The following AP3S1 variants were observed in gnomAD, a reference collection of about 807,000 sequenced individuals.
AP3S1 encodes the protein AP-3 complex subunit sigma-1.
Under a neutral mutation model 21.3 loss-of-function variants are expected in AP3S1, and 12 were observed. The observed-to-expected ratio is 0.56, with a 90% confidence interval of 0.36 to 0.91. The LOEUF (loss-of-function observed/expected upper bound fraction) is 0.91. AP3S1 is among the 40% of genes least tolerant of loss of function. The pLI is 0.01. For missense variants in AP3S1, 116 were observed against 225.0 expected, an observed-to-expected ratio of 0.52 and a Z score of 3.10; for synonymous variants, 48 against 78.4, an observed-to-expected ratio of 0.61 and a Z score of 2.05.
intron 4 of AP3S1, among the ~76,000 whole-genome samples, chr5:115,897,997 A>C (rs1386857718): frequency 6.6e-6 from 1 of 152,188 alleles, no homozygotes; most frequent in Non-Finnish European, 1.5e-5. Flanking sequence ...AGGATGAGCT[A>C]ATTTATGCTG....
At chr5:115,867,341 A>T (rs1747770718) in intron 2 of AP3S1, among the ~76,000 whole-genome samples, 1 of 152,164 alleles carries the variant, frequency 6.6e-6, no homozygotes, top group African/African-American at 2.4e-5. Flanking sequence ...ACAAGACTGA[A>T]GTCTGTTTTT....
chr5:115,868,521 A>G (rs1178541637), intron 2 of AP3S1, among the ~76,000 whole-genome samples: 1 of 152,198 alleles, frequency 6.6e-6, no homozygotes, highest in East Asian at 1.9e-4. Context: ...AAGACATAGA[A>G]GTAGTATATA....
rs755171274 is a variant in AP3S1 at position 115,845,836 on chromosome 5, C to CAAAAAAAAAAAAAA, written c.69+3755_69+3768dup. Among the ~76,000 whole-genome samples, 9 of 34,452 alleles carry CAAAAAAAAAAAAAA rather than the reference C, an allele frequency of 2.6e-4. 1 individual carries two copies. Among genetic ancestry groups the CAAAAAAAAAAAAAA allele is most frequent in the Non-Finnish European group, 3.4e-4 (6 of 17,804 alleles). 22.6% of individuals were successfully genotyped at this position (34,452 alleles called of 152,430 possible). On this transcript the variant is annotated intron_variant, in intron 1 of 5. Coordinates refer to ENST00000316788, the MANE Select transcript of AP3S1 (RefSeq NM_001284.4). ...TGGGTGACAGAGTGAGACTCCATCT[C>CAAAAAAAAAAAAAA]AAAAAAAAAAAAAAAAAAAAAAAAA... is the stretch of plus-strand genomic sequence containing the variant.
chr5:115,905,861 AATGAC>A (rs1751604167), intron 5 of AP3S1, among the ~76,000 whole-genome samples: 1 of 152,236 alleles, frequency 6.6e-6, no homozygotes, highest in African/African-American at 2.4e-5. Flanking sequence ...GGACAAACTT[AATGAC>A]TTGTTTGGCT....
chr5:115,852,657 C>G (rs374229055), intron 1 of AP3S1, among the ~76,000 whole-genome samples: 212 of 152,136 alleles, frequency 1.4e-3, no homozygotes, highest in African/African-American at 4.7e-3. Flanking sequence ...AACCACTAAT[C>G]TGTTTTGTTT....
intron 3 of AP3S1, among the ~76,000 whole-genome samples, chr5:115,877,135 T>C (rs925446722): frequency 6.6e-6 from 1 of 152,164 alleles, no homozygotes; most frequent in Non-Finnish European, 1.5e-5. Flanking sequence ...TTTTCTATCA[T>C]ACCTCAATAT....
rs1328292095 is a variant in AP3S1 at position 115,877,104 on chromosome 5, G to A, written c.273+6976G>A. Among the ~76,000 whole-genome samples, 4 of 151,968 alleles carry A rather than the reference G, an allele frequency of 2.6e-5. No individual in the cohort carries two copies. In the East Asian group the frequency reaches 7.7e-4, roughly 29 times the overall value. ...TAAAAGAATTATTAATATTTATGGT[G>A]TTTACCAAATGGTGGGGTTTTTTTC... On this transcript the variant is annotated intron_variant, in intron 3 of 5. Transcript: ENST00000316788.
At position 115,902,731 on chromosome 5, in the gene AP3S1, A is replaced by G. The variant is rs569186847; in HGVS notation, c.346-154A>G. On this transcript the variant is annotated intron_variant, in intron 4 of 5. Transcript: ENST00000316788. ...ATATAACTGCCTAGGGCTTCACAGT[A>G]GTGATGAAAGTGGATTATGAGCCCT... 4.6e-5 allele frequency among the ~76,000 whole-genome samples: 7 copies of G among 152,324 alleles called. No homozygotes were observed. The South Asian group carries it at 6.2e-4, about 14-fold the overall frequency.
intron 1 of AP3S1, among the ~76,000 whole-genome samples, chr5:115,848,332 C>G (rs1441169028): frequency 6.6e-6 from 1 of 152,026 alleles, no homozygotes; most frequent in Non-Finnish European, 1.5e-5. Context: ...TAGGATATAC[C>G]TTTTAGACAT....
intron 5 of AP3S1, chr5:115,912,278 A>G (rs571262119): frequency 6.6e-6 from 1 of 152,134 alleles, no homozygotes; most frequent in South Asian, 2.1e-4. Context: ...ATCAAAGTGG[A>G]AGATTCGTTT....
chr5:115,855,636 A>G (rs1004785544), intron 1 of AP3S1, among the ~76,000 whole-genome samples: 3 of 152,316 alleles, frequency 2.0e-5, no homozygotes, highest in Admixed American at 2.0e-4. Context: ...CACTGCACCC[A>G]GTTGATTATG....
At chr5:115,908,915 T>C (rs1156330289) in intron 5 of AP3S1, 3 of 883,972 alleles carry the variant, frequency 3.4e-6, no homozygotes, top group Non-Finnish European at 4.1e-6. Flanking sequence ...TTGTTAATGA[T>C]TTTGAGTCTG....
intron 3 of AP3S1, among the ~76,000 whole-genome samples, chr5:115,876,331 C>A (rs1056543017): frequency 6.6e-6 from 1 of 152,194 alleles, no homozygotes; most frequent in African/African-American, 2.4e-5. Flanking sequence ...TGCTTAAAGT[C>A]AGAGTTTTGG....
chr5:115,842,360 G>C, intron 1 of AP3S1: 2 of 449,068 alleles, frequency 4.5e-6, no homozygotes, highest in Non-Finnish European at 7.6e-6. Context: ...TGCTTTCCTG[G>C]CTGCGCGGGC....
At chr5:115,877,561 T>C (rs1194913596) in intron 3 of AP3S1, among the ~76,000 whole-genome samples, 1 of 152,214 alleles carries the variant, frequency 6.6e-6, no homozygotes, top group East Asian at 1.9e-4. Flanking sequence ...TAGTATTCCA[T>C]GGTGTATGTG....
chr5:115,851,343 G>T (rs544510542), intron 1 of AP3S1, among the ~76,000 whole-genome samples: 297 of 152,278 alleles, frequency 2.0e-3, no homozygotes, highest in African/African-American at 6.8e-3. Context: ...TACATACCCA[G>T]AAGTGGAATT....
At chr5:115,913,325 T>C in intron 5 of AP3S1, 37 bp from the exon 6 acceptor site, 3 of 1,147,234 alleles carry the variant, frequency 2.6e-6, no homozygotes, top group Non-Finnish European at 2.2e-6. Flanking sequence ...ACCTGAGTTG[T>C]ACATTTTCTT....
intron 3 of AP3S1, among the ~76,000 whole-genome samples, chr5:115,884,185 T>C (rs1749560734): frequency 6.6e-6 from 1 of 152,182 alleles, no homozygotes; most frequent in Admixed American, 6.5e-5. Context: ...ATTTAATATG[T>C]TTTATTTTTA....
chr5:115,890,301 G>A (rs909444827), intron 3 of AP3S1, among the ~76,000 whole-genome samples: 1 of 152,202 alleles, frequency 6.6e-6, no homozygotes, highest in African/African-American at 2.4e-5. Context: ...TTCTAATTCA[G>A]TGGCATACTG....
Sources: gnomAD v4.1 joint callset for allele counts (sites outside exome capture counted in the v4.1 genomes callset) on GRCh38, gnomAD v4.1.1 for gene constraint, MANE v1.5 for transcripts, NCBI Gene and HGNC (gene_info 2026-07-23, HGNC 2026-07-21) for gene names.